Variants in CSMD3 observed in about 807,000 individuals in gnomAD.
CSMD3 encodes the protein CUB and sushi domain-containing protein 3.
A neutral mutation model predicts 435.2 loss-of-function variants in CSMD3; 177 were observed. The observed-to-expected ratio is 0.41, with a 90% CI of 0.36 to 0.46. The LOEUF is 0.46. CSMD3 is among the 20% of genes least tolerant of loss of function. CSMD3 has a pLI of 0.34. For synonymous variants in CSMD3, 1,656 were observed against 1,520.5 expected (o/e 1.09, Z -2.07); for missense variants, 4,265 against 4,504.6 (o/e 0.95, Z 1.52).
chr8:113,172,195 A>T (rs2092279833), intron 4 of CSMD3, among the ~76,000 whole-genome samples: 1 of 152,198 alleles, frequency 6.6e-6, no homozygotes, highest in African/African-American at 2.4e-5. Flanking sequence ...AAAGAGTTTT[A>T]ACTTGAAAGT....
intron 10 of CSMD3, among the ~76,000 whole-genome samples, chr8:112,908,725 T>G (rs1043145722): frequency 6.6e-6 from 1 of 151,544 alleles, no homozygotes; most frequent in Non-Finnish European, 1.5e-5. Context: ...CTAATATGTA[T>G]TATTAATAAA....
chr8:113,172,564 G>A (rs1365682967), intron 4 of CSMD3, among the ~76,000 whole-genome samples: 4 of 152,166 alleles, frequency 2.6e-5, no homozygotes, highest in South Asian at 2.1e-4. Context: ...AATGGAACAG[G>A]TGTTTTGTGT....
chr8:112,620,679 T>C (rs539751229), intron 22 of CSMD3, among the ~76,000 whole-genome samples: 2 of 152,276 alleles, frequency 1.3e-5, no homozygotes, highest in Non-Finnish European at 2.9e-5. Context: ...AAGAGATACG[T>C]GATGTCTTGC....
intron 3 of CSMD3, among the ~76,000 whole-genome samples, chr8:113,178,534 G>A (rs762933550): frequency 3.3e-5 from 5 of 151,806 alleles, no homozygotes; most frequent in African/African-American, 4.8e-5. Flanking sequence ...ATTGTATTGC[G>A]ACATGTGGCA....
chr8:112,337,311 C>T (rs1586807950), intron 43 of CSMD3, among the ~76,000 whole-genome samples: 1 of 152,084 alleles, frequency 6.6e-6, no homozygotes. Context: ...ATAAGAAAAG[C>T]TCTAAAGTGT....
At chr8:112,925,161 C>G (rs889765967) in intron 9 of CSMD3, among the ~76,000 whole-genome samples, 9 of 152,122 alleles carry the variant, frequency 5.9e-5, no homozygotes, top group African/African-American at 2.2e-4. Flanking sequence ...CAGTAATTTA[C>G]TTTTTCTCAT....
chr8:112,622,040 G>A (rs1834114279), intron 22 of CSMD3, among the ~76,000 whole-genome samples: 2 of 152,142 alleles, frequency 1.3e-5, no homozygotes, highest in African/African-American at 4.8e-5. Flanking sequence ...TATAAAAGCA[G>A]TGGAAGAACA....
chr8:112,572,564 T>C lies in CSMD3; in HGVS notation c.4042+937A>G, dbSNP rs1829619834. On this transcript the variant is annotated intron_variant, in intron 24 of 70. Coordinates refer to ENST00000297405, the MANE Select transcript of CSMD3 (RefSeq NM_198123.2). Reference sequence around the variant, plus strand: ...TTAACTTCTTAGTTTCTATAATAATTTCCATTCATCTGACTTCTTGAGAAA... The same window carrying C: ...TTAACTTCTTAGTTTCTATAATAATCTCCATTCATCTGACTTCTTGAGAAA... Among the ~76,000 whole-genome samples the C allele has an allele frequency of 2.6e-5, 4 of 152,086 alleles. No individual in the cohort carries two copies. In the South Asian group the frequency reaches 8.3e-4, roughly 32 times the overall value.
At chr8:113,155,604 A>C (rs1209970385) in intron 4 of CSMD3, among the ~76,000 whole-genome samples, 1 of 152,068 alleles carries the variant, frequency 6.6e-6, no homozygotes, top group East Asian at 1.9e-4. Flanking sequence ...GGATTGAAGT[A>C]GAAGTACAGT....
intron 38 of CSMD3, among the ~76,000 whole-genome samples, chr8:112,370,011 GGAAGAA>G (rs201339318): frequency 2.6e-5 from 1 of 39,088 alleles, no homozygotes; most frequent in Non-Finnish European, 4.8e-5. Context: ...AAGAGGAAGA[GGAAGAA>G]GAAGAGGAAG....
intron 22 of CSMD3, among the ~76,000 whole-genome samples, chr8:112,627,299 G>T (rs1476489177): frequency 1.3e-5 from 2 of 152,120 alleles, no homozygotes; most frequent in Non-Finnish European, 2.9e-5. Flanking sequence ...CAAAGAAAAA[G>T]TATGCTCTAG....
chr8:113,197,093 A>C (rs1453501440), intron 3 of CSMD3, among the ~76,000 whole-genome samples: 1 of 151,258 alleles, frequency 6.6e-6, no homozygotes, highest in African/African-American at 2.4e-5. Context: ...TAGAGTGATA[A>C]TAATATCTAC....
chr8:112,810,371 A>G (rs530617998), intron 12 of CSMD3, among the ~76,000 whole-genome samples: 1 of 60,036 alleles, frequency 1.7e-5, no homozygotes, highest in Non-Finnish European at 3.1e-5. Context: ...AATGAAAAAC[A>G]TCTAATTAAC....
chr8:112,683,767 T>C, intron 15 of CSMD3, among the ~76,000 whole-genome samples: 1 of 151,940 alleles, frequency 6.6e-6, no homozygotes, highest in Non-Finnish European at 1.5e-5. Flanking sequence ...TGATTTTAAA[T>C]TTTCTCACTA....
chr8:112,432,221 A>C (rs550527688), intron 32 of CSMD3, among the ~76,000 whole-genome samples: 1 of 152,140 alleles, frequency 6.6e-6, no homozygotes, highest in Non-Finnish European at 1.5e-5. Context: ...ATTCATGCCT[A>C]TGTCATGTTG....
chr8:113,019,547 T>A (rs1333047653), intron 5 of CSMD3, among the ~76,000 whole-genome samples: 1 of 148,846 alleles, frequency 6.7e-6, no homozygotes, highest in Non-Finnish European at 1.5e-5. Context: ...ATTTATTATA[T>A]CTTATTTATT....
intron 3 of CSMD3, among the ~76,000 whole-genome samples, chr8:113,245,908 T>C (rs1213177030): frequency 1.3e-5 from 2 of 152,054 alleles, no homozygotes; most frequent in African/African-American, 4.8e-5. Flanking sequence ...AAATTCTTGG[T>C]TGACAGTCTT....
chr8:112,277,344 C>G (rs1223251721), intron 59 of CSMD3, among the ~76,000 whole-genome samples: 1 of 152,158 alleles, frequency 6.6e-6, no homozygotes, highest in Admixed American at 6.5e-5. Flanking sequence ...TGCTGCCAGT[C>G]TCTTTACTAA....
rs183716868 is a variant in CSMD3 at position 112,258,637 on chromosome 8, G to C, written c.9863-3210C>G. On this transcript the variant is annotated intron_variant, in intron 61 of 70. Transcript: ENST00000297405. ...AAAAGTCAGGAAACAATAGATGCCG[G>C]AGAGGATGTGGAGAAATAGGAACGC... Among the ~76,000 whole-genome samples, 276 of 152,332 alleles carry C rather than the reference G, an allele frequency of 1.8e-3. 1 individual carries two copies. Among genetic ancestry groups the C allele is most frequent in the African/African-American group, 6.4e-3 (268 of 41,572 alleles).
Sources: gnomAD v4.1 joint callset for allele counts (sites outside exome capture counted in the v4.1 genomes callset) on GRCh38, gnomAD v4.1.1 for gene constraint, MANE v1.5 for transcripts, NCBI Gene and HGNC (gene_info 2026-07-23, HGNC 2026-07-21) for gene names.